The following CDIN1 variants were observed in gnomAD, a reference collection of about 807,000 sequenced individuals.
The protein encoded by CDIN1 is CDAN1-interacting nuclease 1.
Under a neutral mutation model 45.3 loss-of-function variants are expected in CDIN1, and 33 were observed. The ratio of observed to expected loss-of-function variants is 0.73; its 90% CI spans 0.55 to 0.97. The LOEUF (loss-of-function observed/expected upper bound fraction) is 0.97, where lower values mean the gene tolerates loss of function less well. Ranked by LOEUF, CDIN1 falls within the 50% of genes least tolerant of loss-of-function variation. The probability of loss-of-function intolerance (pLI) is 0.00; values close to 1 mark genes in which losing one functional copy is unlikely to be tolerated. For missense variants in CDIN1, 303 were observed against 339.4 expected (o/e 0.89, Z 0.84); for synonymous variants, 118 against 124.4 (o/e 0.95, Z 0.34).
At chr15:36,780,214 A>G (rs2054316335) in intron 10 of CDIN1, among the ~76,000 whole-genome samples, 1 of 152,166 alleles carries the variant, frequency 6.6e-6, no homozygotes, top group East Asian at 1.9e-4. Context: ...CTCATTCAGG[A>G]AAAGAGAATG....
intron 10 of CDIN1, among the ~76,000 whole-genome samples, chr15:36,732,749 A>C (rs2043877476): frequency 6.6e-6 from 1 of 152,064 alleles, no homozygotes; most frequent in South Asian, 2.1e-4. Context: ...AAGTCAGGGG[A>C]ATTATCTAAA....
chr15:36,652,184 A>G (rs1241703548), intron 3 of CDIN1, among the ~76,000 whole-genome samples: 1 of 152,082 alleles, frequency 6.6e-6, no homozygotes, highest in Non-Finnish European at 1.5e-5. Context: ...TATACTGTAT[A>G]TTTATCTCCC....
intron 5 of CDIN1, among the ~76,000 whole-genome samples, chr15:36,679,451 A>G (rs1207404514): frequency 6.6e-6 from 1 of 152,184 alleles, no homozygotes; most frequent in Non-Finnish European, 1.5e-5. Context: ...AGAGGTGTCA[A>G]CATTAACTTG....
intron 1 of CDIN1, among the ~76,000 whole-genome samples, chr15:36,629,607 C>T (rs1289913502): frequency 6.6e-6 from 1 of 152,140 alleles, no homozygotes; most frequent in African/African-American, 2.4e-5. Context: ...TACCATTACT[C>T]TCTAACGTCT....
At chr15:36,652,426 A>T (rs2040609177) in intron 3 of CDIN1, among the ~76,000 whole-genome samples, 1 of 150,562 alleles carries the variant, frequency 6.6e-6, no homozygotes, top group Non-Finnish European at 1.5e-5. Context: ...GTAAATACGC[A>T]CTCTTGGTGG....
chr15:36,685,948 T>C (rs1199977001), intron 5 of CDIN1, among the ~76,000 whole-genome samples: 1 of 151,726 alleles, frequency 6.6e-6, no homozygotes, highest in Non-Finnish European at 1.5e-5. Flanking sequence ...AGGAACACTT[T>C]TACACTGTTG....
chr15:36,657,311 T>G (rs1376191410), intron 4 of CDIN1, among the ~76,000 whole-genome samples: 1 of 152,122 alleles, frequency 6.6e-6, no homozygotes, highest in Non-Finnish European at 1.5e-5. Context: ...TGTAAGGAAT[T>G]TATACCAAAA....
intron 1 of CDIN1, among the ~76,000 whole-genome samples, chr15:36,621,350 A>G (rs1943955592): frequency 6.6e-6 from 1 of 152,236 alleles, no homozygotes; most frequent in South Asian, 2.1e-4. Context: ...ATTAACTGTT[A>G]AGAGCTTTGA....
At chr15:36,621,690 A>C (rs2039199331) in intron 1 of CDIN1, among the ~76,000 whole-genome samples, 1 of 152,184 alleles carries the variant, frequency 6.6e-6, no homozygotes, top group Non-Finnish European at 1.5e-5. Context: ...ACATCCTTTG[A>C]ATGCATTGGA....
At chr15:36,621,993 GAATGTAT>G (rs2140315113) in intron 1 of CDIN1, among the ~76,000 whole-genome samples, 1 of 151,910 alleles carries the variant, frequency 6.6e-6, no homozygotes, top group South Asian at 2.1e-4. Flanking sequence ...GCCTCATGGT[GAATGTAT>G]CTTTCTTTTC....
At chr15:36,587,491 G>C (rs749831117) in intron 1 of CDIN1, among the ~76,000 whole-genome samples, 1 of 152,016 alleles carries the variant, frequency 6.6e-6, no homozygotes, top group East Asian at 1.9e-4. Flanking sequence ...GTGAACTTAG[G>C]AGTCCAATCT....
chr15:36,808,705 A>G lies in CDIN1; in HGVS notation c.*252A>G, dbSNP rs1240559190. ...TCAGCATTTCTGTCTCTGTCAAACA[A>G]TTAGTTTATAGATAGTCATAATCTT... On this transcript the variant is annotated 3_prime_UTR_variant, in exon 11 of 11. Coordinates refer to ENST00000566621, the MANE Select transcript of CDIN1 (RefSeq NM_001321759.2). The G allele has an allele frequency of 1.9e-6, 1 of 524,046 alleles. No homozygotes were observed. The highest frequency in any genetic ancestry group is 3.5e-6 in the Non-Finnish European group (1 of 288,714). 32.5% of individuals were successfully genotyped at this position (524,046 alleles called of 1,614,324 possible). A position where few individuals can be genotyped will look rare whatever the true frequency, so the allele number is the denominator to read the frequency against.
intron 10 of CDIN1, among the ~76,000 whole-genome samples, chr15:36,778,247 G>T (rs2054269043): frequency 6.6e-6 from 1 of 152,124 alleles, no homozygotes; most frequent in South Asian, 2.1e-4. Flanking sequence ...GCCTCAGATT[G>T]GGAGGACACA....
intron 3 of CDIN1, among the ~76,000 whole-genome samples, chr15:36,648,969 C>T (rs2040465206): frequency 6.6e-6 from 1 of 152,038 alleles, no homozygotes; most frequent in Admixed American, 6.6e-5. Flanking sequence ...CCAGCTATAT[C>T]CTGTAACACT....
At chr15:36,647,862 C>T (rs1358669709) in intron 3 of CDIN1, among the ~76,000 whole-genome samples, 5 of 130,304 alleles carry the variant, frequency 3.8e-5, no homozygotes, top group African/African-American at 1.2e-4. Context: ...TTTTTTGAGA[C>T]GGAGTCTCAC....
chr15:36,635,917 A>G (rs968959128), intron 1 of CDIN1, among the ~76,000 whole-genome samples: 1 of 152,172 alleles, frequency 6.6e-6, no homozygotes, highest in African/African-American at 2.4e-5. Context: ...AATGTAACAT[A>G]CAATAACAAA....
chr15:36,684,753 C>T (rs2041979170), intron 5 of CDIN1, among the ~76,000 whole-genome samples: 1 of 151,982 alleles, frequency 6.6e-6, no homozygotes. Context: ...GCCACAATTT[C>T]AGATCCTGTT....
intron 1 of CDIN1, among the ~76,000 whole-genome samples, chr15:36,587,553 T>C (rs1287295946): frequency 6.6e-6 from 1 of 152,186 alleles, no homozygotes; most frequent in African/African-American, 2.4e-5. Context: ...ACAGCAGTTT[T>C]ACTTGGCTCT....
At chr15:36,694,449 C>T (rs892547123) in intron 7 of CDIN1, among the ~76,000 whole-genome samples, 67 of 152,146 alleles carry the variant, frequency 4.4e-4, no homozygotes, top group African/African-American at 1.6e-3. Context: ...AGGTGCTAAA[C>T]CTTCTTAGTG....
Sources: gnomAD v4.1 joint callset for allele counts (sites outside exome capture counted in the v4.1 genomes callset) on GRCh38, gnomAD v4.1.1 for gene constraint, MANE v1.5 for transcripts, NCBI Gene and HGNC (gene_info 2026-07-23, HGNC 2026-07-21) for gene names.